Variants in CHRM3 observed in about 807,000 individuals in gnomAD.
CHRM3 encodes the protein cholinergic receptor muscarinic 3.
A neutral mutation model predicts 41.8 loss-of-function variants in CHRM3; 11 were observed. That is an observed-to-expected ratio of 0.26 (90% CI 0.17 to 0.44). The LOEUF (loss-of-function observed/expected upper bound fraction) is 0.44, where lower values mean the gene tolerates loss of function less well. Among genes scored for constraint, CHRM3 ranks in the 20% least tolerant of loss-of-function variants. CHRM3 has a pLI of 1.00. For synonymous variants in CHRM3, 297 were observed against 301.4 expected, an observed-to-expected ratio of 0.99 and a Z score of 0.15; for missense variants, 571 against 745.4, an observed-to-expected ratio of 0.77 and a Z score of 2.72.
At chr1:239,733,364 G>C (rs559405510) in intron 5 of CHRM3, among the ~76,000 whole-genome samples, 1 of 152,146 alleles carries the variant, frequency 6.6e-6, no homozygotes, top group African/African-American at 2.4e-5. Flanking sequence ...GAAGATACCA[G>C]AGATTTCCCC....
intron 5 of CHRM3, among the ~76,000 whole-genome samples, chr1:239,683,963 T>C (rs1452296435): frequency 6.6e-6 from 1 of 152,224 alleles, no homozygotes; most frequent in African/African-American, 2.4e-5. Flanking sequence ...TCAAATTATT[T>C]TTCTCAGCAA....
At chr1:239,868,216 A>T (rs1411306267) in intron 6 of CHRM3, among the ~76,000 whole-genome samples, 1 of 152,024 alleles carries the variant, frequency 6.6e-6, no homozygotes, top group Non-Finnish European at 1.5e-5. Context: ...ACAGAAGGGA[A>T]CTCCTGCGGC....
intron 4 of CHRM3, among the ~76,000 whole-genome samples, chr1:239,665,448 AT>A (rs974609377): frequency 5.3e-5 from 8 of 151,760 alleles, no homozygotes; most frequent in African/African-American, 1.7e-4. Context: ...AATGGAAGCT[AT>A]TTTTTTCCTG....
intron 6 of CHRM3, among the ~76,000 whole-genome samples, chr1:239,832,984 C>T (rs1293292145): frequency 6.6e-6 from 1 of 152,120 alleles, no homozygotes; most frequent in Non-Finnish European, 1.5e-5. Flanking sequence ...CAGGTCCCAG[C>T]CTCATTTTTC....
intron 2 of CHRM3, among the ~76,000 whole-genome samples, chr1:239,533,327 G>A (rs1307040191): frequency 6.6e-6 from 1 of 152,044 alleles, no homozygotes; most frequent in Admixed American, 6.6e-5. Context: ...TTGACTCACA[G>A]TTCCACATGG....
chr1:239,761,605 G>T (rs1263820699), intron 5 of CHRM3, among the ~76,000 whole-genome samples: 1 of 152,180 alleles, frequency 6.6e-6, no homozygotes, highest in Non-Finnish European at 1.5e-5. Flanking sequence ...ACCAAAAAGT[G>T]CCTACTCTGG....
chr1:239,393,968 T>C (rs779347740), intron 1 of CHRM3, among the ~76,000 whole-genome samples: 30 of 152,184 alleles, frequency 2.0e-4, no homozygotes, highest in Non-Finnish European at 3.5e-4. Flanking sequence ...CCTATGTTCA[T>C]TTACATAGGT....
Position 239,387,396 on chromosome 1 carries a change from T to A in CHRM3, c.-521+169T>A, listed in dbSNP as rs1306816222. On this transcript the variant is annotated intron_variant, in intron 1 of 6. Coordinates refer to ENST00000676153, the MANE Select transcript of CHRM3 (RefSeq NM_001375978.1). This position sits in a 1 kb window ranked among gnomAD's most constrained non-coding sequence, Gnocchi z 5.1. The stretch of plus-strand genomic sequence containing the variant: ...GGGGCTGGGTAGGGACGAGAGAGGC[T>A]GTTGATTTGGGGAAGATGGGGGCAC... Among the ~76,000 whole-genome samples the A allele has an allele frequency of 2.7e-4, 41 of 151,580 alleles. No homozygotes were observed. Among genetic ancestry groups the A allele is most frequent in the Non-Finnish European group, 5.9e-5 (4 of 67,928 alleles).
chr1:239,634,488 A>G (rs1323173065), intron 4 of CHRM3, among the ~76,000 whole-genome samples: 1 of 152,072 alleles, frequency 6.6e-6, no homozygotes, highest in African/African-American at 2.4e-5. Flanking sequence ...AAATCAGTTT[A>G]TATTGGAATT....
At chr1:239,684,287 C>T (rs1036550405) in intron 5 of CHRM3, among the ~76,000 whole-genome samples, 1 of 152,138 alleles carries the variant, frequency 6.6e-6, no homozygotes, top group Admixed American at 6.6e-5. Flanking sequence ...GACTTTCTGG[C>T]ATGCACAGGA....
chr1:239,786,705 C>T (rs1572288041), intron 5 of CHRM3, among the ~76,000 whole-genome samples: 1 of 145,854 alleles, frequency 6.9e-6, no homozygotes, highest in Admixed American at 6.9e-5. Context: ...CGAGGGCAGG[C>T]GGGCCTTCCA....
At chr1:239,760,090 A>AT (rs66496252) in intron 5 of CHRM3, among the ~76,000 whole-genome samples, 46 of 143,098 alleles carry the variant, frequency 3.2e-4, no homozygotes, top group African/African-American at 1.2e-3. Flanking sequence ...AATTTTTTGT[A>AT]TTTTTTTTTT....
chr1:239,525,164 A>G (rs1669910556), intron 2 of CHRM3, among the ~76,000 whole-genome samples: 1 of 152,004 alleles, frequency 6.6e-6, no homozygotes, highest in Non-Finnish European at 1.5e-5. Flanking sequence ...GGAGTTGGAG[A>G]CCAGCCTGGG....
Position 239,388,569 on chromosome 1 carries a change from C to T in CHRM3, c.-521+1342C>T, listed in dbSNP as rs193078225. Among the ~76,000 whole-genome samples the T allele has an allele frequency of 1.6e-4, 24 of 152,290 alleles. No individual in the cohort carries two copies. In the East Asian group the frequency reaches 4.4e-3, roughly 28 times the overall value. On this transcript the variant is annotated intron_variant, in intron 1 of 6. Transcript: ENST00000676153. ...TGCCCATGTATTTACTTAAGAGAGA[C>T]TATGAACATATAGTTCAGAAAGGGG...
At chr1:239,827,167 A>G (rs1315910988) in intron 5 of CHRM3, 85 bp from the exon 6 acceptor site, 1 of 152,200 alleles carries the variant, frequency 6.6e-6, no homozygotes, top group Non-Finnish European at 1.5e-5. Context: ...GGATCATTCT[A>G]TGATGCTTAA....
chr1:239,618,573 G>A (rs997037499), intron 3 of CHRM3, among the ~76,000 whole-genome samples: 10 of 151,870 alleles, frequency 6.6e-5, no homozygotes, highest in South Asian at 6.2e-4. Context: ...GGCCGGGCGC[G>A]GTGGCTCACG....
Position 239,457,406 on chromosome 1 carries a change from A to G in CHRM3, c.-520-35303A>G, listed in dbSNP as rs181007439. 1.7e-3 allele frequency among the ~76,000 whole-genome samples: 259 copies of G among 152,262 alleles called. 2 individuals are homozygous for G. Among genetic ancestry groups the G allele is most frequent in the Non-Finnish European group, 2.7e-3 (187 of 68,014 alleles). The stretch of plus-strand genomic sequence containing the variant: ...ATACAGTTTACACTCCAGAAAAAAA[A>G]CAGATTGTTATATACGTGTCTTCTA... On this transcript the variant is annotated intron_variant, in intron 1 of 6. Coordinates refer to ENST00000676153, the MANE Select transcript of CHRM3 (RefSeq NM_001375978.1).
intron 2 of CHRM3, among the ~76,000 whole-genome samples, chr1:239,543,790 G>A (rs954318583): frequency 2.5e-4 from 38 of 151,976 alleles, no homozygotes; most frequent in African/African-American, 8.9e-4. Context: ...TTACAGGTGC[G>A]AGCCACCGCG....
chr1:239,452,868 T>A (rs549615746), intron 1 of CHRM3, among the ~76,000 whole-genome samples: 4 of 152,194 alleles, frequency 2.6e-5, no homozygotes, highest in South Asian at 2.1e-4. Flanking sequence ...TGGCGTGATC[T>A]GGGCTCACTG....
Sources: allele counts gnomAD v4.1 joint callset (sites outside exome capture counted in the v4.1 genomes callset), GRCh38; gene constraint gnomAD v4.1.1; non-coding constraint Gnocchi (gnomAD v3.1); transcripts MANE v1.5; gene names NCBI Gene and HGNC (gene_info 2026-07-23, HGNC 2026-07-21).